Variants in RTL9 observed in about 807,000 individuals in gnomAD.
RTL9 encodes retrotransposon Gag-like protein 9.
A neutral mutation model predicts 44.7 loss-of-function variants in RTL9; 19 were observed. The observed-to-expected ratio is 0.42, with a 90% CI of 0.30 to 0.62. RTL9 has a LOEUF of 0.62. RTL9 is among the 20% of genes least tolerant of loss of function. RTL9 has a pLI of 0.16. For synonymous variants in RTL9, 407 were observed against 398.9 expected (o/e 1.02, Z -0.24); for missense variants, 1,105 against 1,080.6 (o/e 1.02, Z -0.32).
intron 1 of RTL9, among the ~76,000 whole-genome samples, chrX:110,404,463 C>T (rs1268408970): frequency 9.0e-6 from 1 of 111,730 alleles, no homozygotes; most frequent in African/African-American, 3.3e-5. Flanking sequence ...AGGACAAACT[C>T]CAGGGGCATG....
intron 1 of RTL9, among the ~76,000 whole-genome samples, chrX:110,413,640 C>T (rs1256705796): frequency 9.2e-6 from 1 of 108,724 alleles, no homozygotes; most frequent in Non-Finnish European, 1.9e-5. Context: ...GACACACTCT[C>T]ATCCTAGCCT....
rs1348644925 is a variant in RTL9 at position 110,422,810 on chromosome X, A to G, written c.-168+3675A>G. ...AAGAAAAGAGATCTTCCCCAAACTC[A>G]CCTGCTCCTTGAAAATGCTATTCTG... is the stretch of plus-strand genomic sequence containing the variant. On this transcript the variant is annotated intron_variant, in intron 1 of 3. Coordinates refer to the RTL9 transcript ENST00000465301. Among the ~76,000 whole-genome samples, 6 of 111,748 alleles carry G rather than the reference A, an allele frequency of 5.4e-5. No homozygotes were observed. In the South Asian group the frequency reaches 2.3e-3, roughly 43 times the overall value.
At chrX:110,452,199 T>C in exon 1 of RTL9, 3 of 1,208,787 alleles carry the variant, frequency 2.5e-6, no homozygotes, top group Non-Finnish European at 2.2e-6. Context: ...CATGCCACAA[T>C]TGACAGTCCC....
chrX:110,420,616 A>T (rs1238506549), intron 1 of RTL9, among the ~76,000 whole-genome samples: 1 of 112,095 alleles, frequency 8.9e-6, no homozygotes, highest in Non-Finnish European at 1.9e-5. Context: ...CAGTGTTCCA[A>T]TCCCATCTCA....
exon 1 of RTL9, chrX:110,454,214 G>A (rs778221592): frequency 8.3e-7 from 1 of 1,211,968 alleles, no homozygotes; most frequent in Non-Finnish European, 1.1e-6. Context: ...CAGCAGAGAG[G>A]TGGTTCATCT....
At chrX:110,452,706 A>G in exon 1 of RTL9, 2 of 1,210,418 alleles carry the variant, frequency 1.7e-6, no homozygotes, top group Non-Finnish European at 2.2e-6. Context: ...CATGCCACTA[A>G]TGAGAGCTCA....
At chrX:110,413,704 G>C (rs766641750) in intron 1 of RTL9, among the ~76,000 whole-genome samples, 1 of 109,762 alleles carries the variant, frequency 9.1e-6, no homozygotes, top group Non-Finnish European at 1.9e-5. Context: ...TTGCTGGCTG[G>C]CCTCAACGCT....
intron 1 of RTL9, among the ~76,000 whole-genome samples, chrX:110,432,976 T>C (rs1038933531): frequency 6.2e-5 from 7 of 112,707 alleles, no homozygotes; most frequent in Non-Finnish European, 9.4e-5. Context: ...AGACAGTCAG[T>C]GGCAGACTTG....
intron 1 of RTL9, among the ~76,000 whole-genome samples, chrX:110,420,459 G>A (rs1021646927): frequency 8.9e-6 from 1 of 112,210 alleles, no homozygotes; most frequent in African/African-American, 3.2e-5. Flanking sequence ...TGCAAGAGGT[G>A]CCTCTCACCA....
chrX:110,436,577 G>A (rs1329691729), intron 1 of RTL9, among the ~76,000 whole-genome samples: 5 of 112,118 alleles, frequency 4.5e-5, no homozygotes, highest in Non-Finnish European at 7.5e-5. Context: ...TTGCTGAGCA[G>A]AGAAGCAAGG....
intron 1 of RTL9, among the ~76,000 whole-genome samples, chrX:110,373,889 A>G (rs2068357528): frequency 8.9e-6 from 1 of 112,368 alleles, no homozygotes; most frequent in Non-Finnish European, 1.9e-5. Context: ...TAAAAAGTCA[A>G]ATGACAGTTT....
chrX:110,447,570 T>A (rs1386523132), upstream of RTL9, among the ~76,000 whole-genome samples: 1 of 110,278 alleles, frequency 9.1e-6, no homozygotes, highest in African/African-American at 3.3e-5. Flanking sequence ...ATCTGGGATT[T>A]AAAAAAAATT....
At chrX:110,434,030 T>C (rs969330323) in intron 1 of RTL9, among the ~76,000 whole-genome samples, 1 of 111,175 alleles carries the variant, frequency 9.0e-6, no homozygotes, top group African/African-American at 3.3e-5. Context: ...CTGGGGAAGT[T>C]GAGGAAGTCT....
chrX:110,391,076 T>C (rs570247601), intron 1 of RTL9, among the ~76,000 whole-genome samples: 10 of 112,060 alleles, frequency 8.9e-5, no homozygotes, highest in Admixed American at 7.6e-4. Context: ...TCCATGACTT[T>C]GGGTTATTTT....
intron 1 of RTL9, among the ~76,000 whole-genome samples, chrX:110,437,217 C>T (rs1221315051): frequency 9.0e-6 from 1 of 111,645 alleles, no homozygotes; most frequent in Non-Finnish European, 1.9e-5. Flanking sequence ...AGCCCCTGAC[C>T]CCTGCAGTTG....
intron 1 of RTL9, among the ~76,000 whole-genome samples, chrX:110,425,346 CA>C (rs2068746055): frequency 8.9e-6 from 1 of 112,305 alleles, no homozygotes; most frequent in South Asian, 3.7e-4. Flanking sequence ...TTCACCTTCC[CA>C]CTCCGCAATT....
chrX:110,450,567 A>G (rs2068932880), exon 1 of RTL9: 1 of 1,083,656 alleles, frequency 9.2e-7, no homozygotes, highest in Admixed American at 2.5e-5. Context: ...TTGTTTACAG[A>G]TTTTCTTGCC....
At chrX:110,369,467 G>A (rs944157222) in intron 1 of RTL9, among the ~76,000 whole-genome samples, 5 of 112,288 alleles carry the variant, frequency 4.5e-5, no homozygotes, top group African/African-American at 9.7e-5. Flanking sequence ...GTAGTGAAAA[G>A]TATATTCTAC....
chrX:110,443,786 A>G (rs1393066199), intron 1 of RTL9, among the ~76,000 whole-genome samples: 1 of 112,477 alleles, frequency 8.9e-6, no homozygotes, highest in Non-Finnish European at 1.9e-5. Context: ...TGCTCTGGCA[A>G]CAAAGAACAT....
Sources: allele counts gnomAD v4.1 joint callset (sites outside exome capture counted in the v4.1 genomes callset), GRCh38; gene constraint gnomAD v4.1.1; transcripts MANE v1.5; gene names NCBI Gene and HGNC (gene_info 2026-07-23, HGNC 2026-07-21).